CAST: variants seen among roughly 807,000 people sequenced by gnomAD.
CAST encodes MIR583 host.
Under a neutral mutation model 119.6 loss-of-function variants are expected in CAST, and 76 were observed. The observed-to-expected ratio is 0.64, with a 90% confidence interval of 0.53 to 0.77. CAST has a LOEUF of 0.77. Ranked by LOEUF, CAST falls within the 30% of genes least tolerant of loss-of-function variation. The pLI is 0.00. For synonymous variants in CAST, 319 were observed against 331.6 expected, an observed-to-expected ratio of 0.96 and a Z score of 0.41; for missense variants, 953 against 946.5, an observed-to-expected ratio of 1.01 and a Z score of -0.09.
intron 1 of CAST, among the ~76,000 whole-genome samples, chr5:96,572,207 T>TTTC (rs943308210): frequency 1.3e-5 from 2 of 149,920 alleles, no homozygotes; most frequent in African/African-American, 4.9e-5. Flanking sequence ...TTTGTGCTAT[T>TTTC]TTTTTTTTTT....
chr5:96,542,656 ATTGT>A (rs1039770518), intron 1 of CAST, among the ~76,000 whole-genome samples: 7 of 123,542 alleles, frequency 5.7e-5, no homozygotes, highest in Non-Finnish European at 8.6e-5. Flanking sequence ...TTGTTTTCTT[ATTGT>A]TTAATTTTTA....
At chr5:96,118,284 G>C in the CAST span, among the ~76,000 whole-genome samples, 1 of 151,794 alleles carries the variant, frequency 6.6e-6, no homozygotes, top group African/African-American at 2.4e-5. Context: ...TGAATGCTTT[G>C]AGTAGGCAAA....
At chr5:96,217,221 T>A in the CAST span, among the ~76,000 whole-genome samples, 4 of 149,596 alleles carry the variant, frequency 2.7e-5, no homozygotes, top group Non-Finnish European at 4.4e-5. Context: ...TTTTTTTTTT[T>A]ATAGAGATGA....
chr5:96,765,252 A>G lies in CAST; in HGVS notation c.1964A>G (p.Asp655Gly). Residue 655 changes from aspartate to glycine, a missense_variant, in exon 26 of 32, where the codon GAT (aspartate) becomes GGT (glycine). Coordinates refer to ENST00000675179, the MANE Select transcript of CAST (RefSeq NM_001750.7). ...QSDKDLDDAL[D>G]KLSDSLGQRQ... ...GACAAAGACCTCGATGATGCCTTGG[A>G]TAAACTCTCTGACAGTCTAGGACAA... 1 of 1,606,500 alleles carries G rather than the reference A, an allele frequency of 6.2e-7. No individual in the cohort carries two copies. Among genetic ancestry groups the G allele is most frequent in the African/African-American group, 1.3e-5 (1 of 74,188 alleles).
the CAST span, among the ~76,000 whole-genome samples, chr5:96,414,971 A>G: frequency 1.3e-5 from 2 of 152,250 alleles, no homozygotes; most frequent in African/African-American, 4.8e-5. Flanking sequence ...AACCAAATGC[A>G]AGGTATACTC....
At chr5:96,757,694 T>G in intron 24 of CAST, 40 bp downstream of exon 24, 1 of 1,420,816 alleles carries the variant, frequency 7.0e-7, no homozygotes. Flanking sequence ...TTAGTTTTTT[T>G]TTTTTTTTTC....
the CAST span, among the ~76,000 whole-genome samples, chr5:96,341,578 C>T: frequency 6.6e-6 from 1 of 152,046 alleles, no homozygotes; most frequent in East Asian, 1.9e-4. Context: ...TAAACCACCT[C>T]TATTATCCCT....
At chr5:96,103,990 G>C in the CAST span, among the ~76,000 whole-genome samples, 1 of 152,188 alleles carries the variant, frequency 6.6e-6, no homozygotes, top group Non-Finnish European at 1.5e-5. Flanking sequence ...AAATTTCACT[G>C]ATGGCCAGTG....
chr5:96,772,864 A>T lies in CAST; in HGVS notation c.*248A>T, dbSNP rs749124447. 3 of 153,326 alleles carry T rather than the reference A, an allele frequency of 2.0e-5. No individual in the cohort carries two copies. The highest frequency in any genetic ancestry group is 7.2e-5 in the African/African-American group (3 of 41,426). 9.5% of individuals were successfully genotyped at this position (153,326 alleles called of 1,614,324 possible). On this transcript the variant is annotated 3_prime_UTR_variant, in exon 32 of 32. Coordinates refer to ENST00000675179, the MANE Select transcript of CAST (RefSeq NM_001750.7). Reference sequence around the variant, plus strand: ...CTTTGAATTTTTTTAATTGCCTTCAATTGGGAGAGAAAGCTTTATATTTGT... The same window carrying T: ...CTTTGAATTTTTTTAATTGCCTTCATTTGGGAGAGAAAGCTTTATATTTGT...
the CAST span, among the ~76,000 whole-genome samples, chr5:96,153,178 G>C: frequency 6.6e-6 from 1 of 152,158 alleles, no homozygotes; most frequent in Non-Finnish European, 1.5e-5. Flanking sequence ...AGAGTAGAAA[G>C]AGCATAAGCA....
At chr5:96,518,617 T>G in the CAST span, among the ~76,000 whole-genome samples, 149,698 of 152,326 alleles carry the variant, frequency 0.98, 73,627 homozygotes, top group East Asian at 1. Flanking sequence ...CAAAGGTTTA[T>G]ACATGGGATT....
At chr5:96,446,179 CAA>C in the CAST span, among the ~76,000 whole-genome samples, 7 of 114,030 alleles carry the variant, frequency 6.1e-5, no homozygotes, top group Admixed American at 3.0e-4. Context: ...TTTTAGTGTA[CAA>C]AAAAAAAAAA....
chr5:96,094,341 C>A, the CAST span, among the ~76,000 whole-genome samples: 1 of 151,958 alleles, frequency 6.6e-6, no homozygotes, highest in Admixed American at 6.6e-5. Flanking sequence ...ACTAAGGGAG[C>A]CAGTAATACT....
chr5:96,532,108 A>G (rs1360749073), intron 1 of CAST, among the ~76,000 whole-genome samples: 2 of 152,194 alleles, frequency 1.3e-5, no homozygotes, highest in African/African-American at 4.8e-5. Flanking sequence ...GAAGTTAGAC[A>G]TGTAGACTGA....
the CAST span, among the ~76,000 whole-genome samples, chr5:96,105,785 G>C: frequency 1.3e-5 from 2 of 152,126 alleles, no homozygotes; most frequent in Non-Finnish European, 2.9e-5. Context: ...TTTTTGTATT[G>C]ATTGGAATAG....
At chr5:96,632,504 A>T (rs1306343275) in intron 1 of CAST, among the ~76,000 whole-genome samples, 2 of 152,110 alleles carry the variant, frequency 1.3e-5, no homozygotes, top group Non-Finnish European at 2.9e-5. Context: ...TGTCTTATCT[A>T]AAAAACCATT....
intron 1 of CAST, among the ~76,000 whole-genome samples, chr5:96,540,343 G>A (rs1016612787): frequency 8.6e-5 from 13 of 151,326 alleles, no homozygotes; most frequent in Admixed American, 2.0e-4. Context: ...TTTCCTTATC[G>A]CACATTTCTG....
At chr5:96,099,232 A>G in the CAST span, among the ~76,000 whole-genome samples, 9 of 152,156 alleles carry the variant, frequency 5.9e-5, no homozygotes, top group South Asian at 6.2e-4. Context: ...GGCTGAAACA[A>G]TGGGGTTTTC....
the CAST span, among the ~76,000 whole-genome samples, chr5:96,448,751 A>G: frequency 0.72 from 109,177 of 151,776 alleles, 39,867 homozygotes; most frequent in African/African-American, 0.83. Flanking sequence ...ATACTGGACC[A>G]TAAACATCAT....
Sources: gnomAD v4.1 joint callset for allele counts (sites outside exome capture counted in the v4.1 genomes callset) on GRCh38, gnomAD v4.1.1 for gene constraint, MANE v1.5 for transcripts, NCBI Gene and HGNC (gene_info 2026-07-23, HGNC 2026-07-21) for gene names.